P2RX3: variants seen among roughly 807,000 people sequenced by gnomAD.
P2RX3 encodes P2X purinoceptor 3.
A neutral mutation model predicts 51.5 loss-of-function variants in P2RX3; 41 were observed. That is an observed-to-expected ratio of 0.80 (90% CI 0.62 to 1.03). The LOEUF (loss-of-function observed/expected upper bound fraction) is 1.03. P2RX3 is among the 50% of genes least tolerant of loss of function. The probability of loss-of-function intolerance (pLI) is 0.00; values close to 1 mark genes in which losing one functional copy is unlikely to be tolerated. For synonymous variants in P2RX3, 185 were observed against 191.6 expected (o/e 0.97, Z 0.29); for missense variants, 459 against 522.1 (o/e 0.88, Z 1.18).
At chr11:57,357,400 G>C (rs1856647927) in intron 8 of P2RX3, among the ~76,000 whole-genome samples, 1 of 152,160 alleles carries the variant, frequency 6.6e-6, no homozygotes, top group South Asian at 2.1e-4. Context: ...ACCTGTCCAA[G>C]GCCACACAGC....
intron 5 of P2RX3, 150 bp downstream of exon 5, chr11:57,348,413 G>A (rs1856482450): frequency 5.0e-6 from 4 of 796,504 alleles, no homozygotes; most frequent in Non-Finnish European, 3.9e-6. Flanking sequence ...TCAGGCCCAG[G>A]GTATCATCTT....
chr11:57,366,110 T>C (rs1856793319), intron 8 of P2RX3, among the ~76,000 whole-genome samples: 1 of 152,162 alleles, frequency 6.6e-6, no homozygotes, highest in African/African-American at 2.4e-5. Context: ...CTTTCCAAAG[T>C]TACTGGCATC....
chr11:57,364,003 T>C (rs547468539), intron 8 of P2RX3, among the ~76,000 whole-genome samples: 27 of 152,324 alleles, frequency 1.8e-4, no homozygotes, highest in Non-Finnish European at 3.2e-4. Context: ...CTTCCCAGGA[T>C]AAATTTAGCC....
rs1461675621 is a variant in P2RX3 at position 57,349,818 on chromosome 11, A to G, written c.625A>G (p.Lys209Glu). 6.8e-6 allele frequency: 11 copies of G among 1,614,092 alleles called. No homozygotes were observed. The highest frequency in any genetic ancestry group is 2.2e-5 in the East Asian group (1 of 44,898). The part of the protein sequence containing the change: ...DMKTCRFHPD[K>E]DPFCPILRVG... The stretch of plus-strand genomic sequence containing the variant: ...GAAGACCTGCCGCTTCCACCCGGAC[A>G]AGGACCCTTTCTGCCCCATCTTGCG... Residue 209 changes from lysine (K) to glutamate (E), a missense_variant, in exon 7 of 12, where the codon AAG becomes GAG. By Grantham distance (56) the Lys-to-Glu change is moderately conservative (BLOSUM62 1). Coordinates refer to ENST00000263314, the MANE Select transcript of P2RX3 (RefSeq NM_002559.5).
chr11:57,356,717 A>G (rs747859828), intron 8 of P2RX3, among the ~76,000 whole-genome samples: 9 of 152,342 alleles, frequency 5.9e-5, no homozygotes, highest in Admixed American at 1.3e-4. Context: ...AAGCCATAGA[A>G]TATGCGTTAA....
At chr11:57,350,525 G>T (rs1353233045) in intron 7 of P2RX3, 5 of 451,314 alleles carry the variant, frequency 1.1e-5, no homozygotes, top group Middle Eastern at 6.1e-4. Flanking sequence ...CTCGTGATCC[G>T]CCCGCCTCGG....
At chr11:57,345,140 A>G (rs1856409110) in intron 1 of P2RX3, among the ~76,000 whole-genome samples, 1 of 152,220 alleles carries the variant, frequency 6.6e-6, no homozygotes, top group Non-Finnish European at 1.5e-5. Flanking sequence ...AGGTCAGCCC[A>G]GCTCCTGGCT....
upstream of P2RX3, among the ~76,000 whole-genome samples, chr11:57,337,533 G>A (rs946663812): frequency 2.0e-5 from 3 of 152,068 alleles, no homozygotes; most frequent in Non-Finnish European, 4.4e-5. Context: ...CATGGATGAA[G>A]CTGGACTCCA....
chr11:57,338,449 C>T lies in P2RX3; in HGVS notation c.-102C>T. The T allele has an allele frequency of 1.5e-6, 1 of 686,266 alleles. No homozygotes were observed. 42.5% of individuals were successfully genotyped at this position (686,266 alleles called of 1,614,324 possible). On this transcript the variant is annotated 5_prime_UTR_variant, in exon 1 of 12. Transcript: ENST00000263314. ...CCATTCCTCCAACCCCTCTAAGCTGCCCCCTCCAGGTCGTGATCTCGTCTC... is the reference window on the plus strand; with the variant it reads ...CCATTCCTCCAACCCCTCTAAGCTGTCCCCTCCAGGTCGTGATCTCGTCTC...
intron 8 of P2RX3, among the ~76,000 whole-genome samples, chr11:57,362,076 T>C (rs1414311545): frequency 6.6e-6 from 1 of 152,220 alleles, no homozygotes; most frequent in Non-Finnish European, 1.5e-5. Flanking sequence ...CTCCAAATGT[T>C]TGTTGAATGC....
Position 57,350,939 on chromosome 11 carries a change from G to A in P2RX3, c.842+41G>A, listed in dbSNP as rs2134423257. ...CTGGGACACCAGGAGAAGAAGGTGC[G>A]GGCTGTTAACGGCAATGTTTATTGG... On this transcript the variant is annotated intron_variant, in intron 8 of 11. Transcript: ENST00000263314. 4.3e-6 allele frequency: 7 copies of A among 1,613,428 alleles called. No homozygotes were observed. In the South Asian group the frequency reaches 4.4e-5, roughly 10 times the overall value.
chr11:57,346,762 A>G (rs71484446), intron 2 of P2RX3, 83 bp downstream of exon 2: 59,308 of 1,537,372 alleles, frequency 0.039, 1,329 homozygotes, highest in South Asian at 0.043. Flanking sequence ...AAGAGTGCCA[A>G]TGGGATTCCC....
chr11:57,346,639 A>G lies in P2RX3; in HGVS notation c.215A>G (p.Asn72Ser). 1 of 1,614,200 alleles carries G rather than the reference A, an allele frequency of 6.2e-7. No homozygotes were observed. Among genetic ancestry groups the G allele is most frequent in the East Asian group, 2.2e-5 (1 of 44,888 alleles). The change falls in exon 2 of 12, where the codon AAC becomes AGC. Residue 72 changes from asparagine (N) to serine (S), a missense_variant. Transcript: ENST00000263314. ...GTGAAGGGCTCCGGACTCTACGCCA[A>G]CAGAGTCATGGATGTGTCTGATTAC... ...TKVKGSGLYA[N>S]RVMDVSDYVT...
chr11:57,343,806 C>G (rs1310989840), intron 1 of P2RX3, among the ~76,000 whole-genome samples: 1 of 152,122 alleles, frequency 6.6e-6, no homozygotes, highest in African/African-American at 2.4e-5. Flanking sequence ...TTGCACTCTG[C>G]GAATGTACAG....
intron 10 of P2RX3, among the ~76,000 whole-genome samples, 155 bp downstream of exon 10, chr11:57,368,592 C>G (rs1174355796): frequency 6.6e-6 from 1 of 152,240 alleles, no homozygotes; most frequent in Non-Finnish European, 1.5e-5. Flanking sequence ...CCTTGGCCAC[C>G]ACCCTGCTGC....
intron 2 of P2RX3, 64 bp from the exon 3 acceptor site, chr11:57,347,052 T>C (rs1856449293): frequency 6.9e-7 from 1 of 1,451,950 alleles, no homozygotes; most frequent in Non-Finnish European, 9.7e-7. Flanking sequence ...GATAATCAGT[T>C]ATAGTCCCTG....
At chr11:57,344,863 A>G (rs770849850) in intron 1 of P2RX3, among the ~76,000 whole-genome samples, 1 of 151,724 alleles carries the variant, frequency 6.6e-6, no homozygotes, top group Admixed American at 6.6e-5. Context: ...GTTTGCAGTA[A>G]ATAGGATTGT....
rs1590618083 is a variant in P2RX3 at position 57,338,469 on chromosome 11, C to T, written c.-82C>T. The T allele has an allele frequency of 3.3e-6, 3 of 906,434 alleles. No homozygotes were observed. The highest frequency in any genetic ancestry group is 5.2e-6 in the Non-Finnish European group (3 of 579,824). 56.1% of individuals were successfully genotyped at this position (906,434 alleles called of 1,614,324 possible). ...AGCTGCCCCCTCCAGGTCGTGATCTCGTCTCCCTGTCCTGTAGGACCTCCC... is the reference window on the plus strand; with the variant it reads ...AGCTGCCCCCTCCAGGTCGTGATCTTGTCTCCCTGTCCTGTAGGACCTCCC... On this transcript the variant is annotated 5_prime_UTR_variant, in exon 1 of 12. Transcript: ENST00000263314.
intron 6 of P2RX3, 102 bp from the exon 7 acceptor site, chr11:57,349,655 C>T: frequency 6.9e-7 from 1 of 1,447,454 alleles, no homozygotes; most frequent in African/African-American, 1.4e-5. Flanking sequence ...AGGCTGAGGG[C>T]TCAGATCCCC....
Sources: allele counts gnomAD v4.1 joint callset (sites outside exome capture counted in the v4.1 genomes callset), GRCh38; gene constraint gnomAD v4.1.1; transcripts MANE v1.5; gene names NCBI Gene and HGNC (gene_info 2026-07-23, HGNC 2026-07-21).